VIPR1: variants seen among roughly 807,000 people sequenced by gnomAD.
VIPR1 encodes the protein vasoactive intestinal polypeptide receptor 1.
Under a neutral mutation model 58.8 loss-of-function variants are expected in VIPR1, and 59 were observed. The observed-to-expected ratio is 1.00, with a 90% CI of 0.81 to 1.25. The LOEUF (loss-of-function observed/expected upper bound fraction) is 1.25. VIPR1 is among the 50% of genes most tolerant of loss of function. The pLI is 0.00. For synonymous variants in VIPR1, 251 were observed against 242.1 expected (o/e 1.04, Z -0.34); for missense variants, 626 against 602.7 (o/e 1.04, Z -0.40).
chr3:42,522,101 A>ATATATATT (rs1419353370), intron 3 of VIPR1, among the ~76,000 whole-genome samples: 5 of 35,368 alleles, frequency 1.4e-4, no homozygotes, highest in Non-Finnish European at 2.0e-4. Context: ...ATATATATAT[A>ATATATATT]TTTTTTTTTT....
At chr3:42,498,832 G>A (rs1016056217), upstream of VIPR1, among the ~76,000 whole-genome samples, 5 of 152,184 alleles carry the variant, frequency 3.3e-5, no homozygotes, top group African/African-American at 1.2e-4. Flanking sequence ...CGTGAAGGAT[G>A]AATGAATGAT....
chr3:42,511,967 G>A (rs971838833), intron 1 of VIPR1: 5 of 152,208 alleles, frequency 3.3e-5, no homozygotes, highest in Non-Finnish European at 7.3e-5. Context: ...CAGTTTCCTT[G>A]AAGTCTCCTA....
chr3:42,513,883 G>T, intron 2 of VIPR1, 29 bp downstream of exon 2: 11 of 1,541,642 alleles, frequency 7.1e-6, no homozygotes, highest in Non-Finnish European at 9.7e-6. Context: ...GAGAGGGGCT[G>T]CATGCCCCCA....
intron 3 of VIPR1, among the ~76,000 whole-genome samples, chr3:42,522,099 ATATTTT>A (rs1286680556): frequency 6.8e-4 from 38 of 55,540 alleles, no homozygotes; most frequent in African/African-American, 3.5e-3. Flanking sequence ...ATATATATAT[ATATTTT>A]TTTTTTTTTT....
upstream of VIPR1, chr3:42,500,245 G>A (rs1193250467): frequency 6.6e-6 from 1 of 152,182 alleles, no homozygotes; most frequent in African/African-American, 2.4e-5. Context: ...AGGAGAGGAA[G>A]GGTAGTGTGG....
intron 9 of VIPR1, 121 bp downstream of exon 9, chr3:42,531,990 C>A: frequency 8.5e-7 from 1 of 1,174,118 alleles, no homozygotes; most frequent in Non-Finnish European, 1.2e-6. Flanking sequence ...TCCTAATGCC[C>A]AATGCAGGAT....
At chr3:42,515,608 CA>C (rs1199110784) in intron 2 of VIPR1, among the ~76,000 whole-genome samples, 1 of 152,248 alleles carries the variant, frequency 6.6e-6, no homozygotes, top group African/African-American at 2.4e-5. Flanking sequence ...CACCAGCAGC[CA>C]GGCTGGGATG....
chr3:42,496,106 G>A (rs952145140), intron 1 of VIPR1, among the ~76,000 whole-genome samples: 7 of 152,034 alleles, frequency 4.6e-5, no homozygotes, highest in South Asian at 4.2e-4. Flanking sequence ...GCGTGGTGGC[G>A]TGTGCCTGTA....
chr3:42,527,887 A>G, intron 5 of VIPR1, 104 bp from the exon 6 acceptor site: 1 of 1,483,246 alleles, frequency 6.7e-7, no homozygotes, highest in Non-Finnish European at 9.1e-7. Context: ...CCTCTGGAGG[A>G]CACATGCTCC....
upstream of VIPR1, among the ~76,000 whole-genome samples, chr3:42,498,322 G>T (rs1268957401): frequency 6.6e-6 from 1 of 152,194 alleles, no homozygotes; most frequent in Non-Finnish European, 1.5e-5. Context: ...GGTTACTAAG[G>T]CTTCTATTCC....
intron 2 of VIPR1, among the ~76,000 whole-genome samples, chr3:42,517,797 G>A (rs766691051): frequency 5.9e-5 from 9 of 152,152 alleles, no homozygotes; most frequent in Admixed American, 5.2e-4. Flanking sequence ...CCAACATGGC[G>A]AAACCCCGTC....
chr3:42,535,476 G>T (rs1456490068), intron 12 of VIPR1, 92 bp downstream of exon 12: 1 of 1,393,304 alleles, frequency 7.2e-7, no homozygotes, highest in Non-Finnish European at 1.0e-6. Flanking sequence ...AGCAAGGACG[G>T]GTTAAACCTT....
At position 42,519,221 on chromosome 3, in the gene VIPR1, A is replaced by T. The variant is rs1299152529; in HGVS notation, c.185-2A>T. On this transcript the variant is annotated splice_acceptor_variant, in intron 2 of 12. Transcript: ENST00000325123. LOFTEE classifies it high-confidence loss of function. ...CATGTGTCTTCTGCCTTACCCCCAT[A>T]GGCTGCAGCAAGATGTGGGACAACC... The T allele has an allele frequency of 1.9e-6, 3 of 1,605,640 alleles. No individual in the cohort carries two copies. Among genetic ancestry groups the T allele is most frequent in the Admixed American group, 1.7e-5 (1 of 58,938 alleles).
intron 4 of VIPR1, among the ~76,000 whole-genome samples, chr3:42,526,507 G>A (rs1701240315): frequency 6.6e-6 from 1 of 152,218 alleles, no homozygotes; most frequent in South Asian, 2.1e-4. Context: ...TGATGGGGAG[G>A]CTGGAGTCCT....
chr3:42,525,815 T>C lies in VIPR1; in HGVS notation c.293-72T>C. Reference sequence around the variant, plus strand: ...GAGTAGGGCTGAATTCTCTGCCTTGTTCCAAGCAGAGACAGCCAGGTCCCC... The same window carrying C: ...GAGTAGGGCTGAATTCTCTGCCTTGCTCCAAGCAGAGACAGCCAGGTCCCC... On this transcript the variant is annotated intron_variant, in intron 3 of 12. Transcript: ENST00000325123. The C allele has an allele frequency of 5.6e-6, 8 of 1,440,312 alleles. No individual in the cohort carries two copies. In the South Asian group the frequency reaches 1.0e-4, roughly 18 times the overall value. 89.2% of individuals were successfully genotyped at this position (1,440,312 alleles called of 1,614,324 possible). A position where few individuals can be genotyped will look rare whatever the true frequency, so the allele number is the denominator to read the frequency against.
rs750132134 is a variant in VIPR1, at chr3:42,532,255, T to C, written c.932T>C (p.Leu311Pro). Reference protein sequence around the residue: ...ILTSILVNFILFICIIRILLQ... With the variant: ...ILTSILVNFIPFICIIRILLQ... ...CCCACCCACTAGGTAAACTTCATCCTGTTTATTTGCATCATCCGAATCCTG... is the reference window on the plus strand; with the variant it reads ...CCCACCCACTAGGTAAACTTCATCCCGTTTATTTGCATCATCCGAATCCTG... The change falls in exon 10 of 13, where the codon CTG (leucine) becomes CCG (proline). Residue 311 changes from leucine (L) to proline (P), a missense_variant. By Grantham distance (98) the Leu-to-Pro change is moderately conservative. Coordinates refer to ENST00000325123, the MANE Select transcript of VIPR1 (RefSeq NM_004624.4). 1.2e-6 allele frequency: 2 copies of C among 1,614,178 alleles called. No homozygotes were observed. The highest frequency in any genetic ancestry group is 2.2e-5 in the East Asian group (1 of 44,882).
At chr3:42,519,099 G>A in intron 2 of VIPR1, 124 bp from the exon 3 acceptor site, 2 of 726,734 alleles carry the variant, frequency 2.8e-6, no homozygotes, top group Non-Finnish European at 4.2e-6. Flanking sequence ...CTCTCAGACT[G>A]GAGGCTCCTT....
chr3:42,493,808 G>A (rs1699709115), intron 1 of VIPR1, among the ~76,000 whole-genome samples: 1 of 152,230 alleles, frequency 6.6e-6, no homozygotes. Flanking sequence ...TGAGGTCCTC[G>A]TCAGAGAGGC....
intron 5 of VIPR1, 66 bp from the exon 6 acceptor site, chr3:42,527,925 G>A (rs1023455958): frequency 2.3e-5 from 36 of 1,594,540 alleles, no homozygotes; most frequent in African/African-American, 5.4e-5. Context: ...CAGCACATAG[G>A]ACAGCATTGG....
Sources: allele counts gnomAD v4.1 joint callset (sites outside exome capture counted in the v4.1 genomes callset), GRCh38; gene constraint gnomAD v4.1.1; transcripts MANE v1.5; gene names NCBI Gene and HGNC (gene_info 2026-07-23, HGNC 2026-07-21).